Variants in ZNF8 observed in about 807,000 individuals in gnomAD.
ZNF8 encodes the protein zinc finger protein 8.
ZNF8 carries 9 observed loss-of-function variants against 12.2 expected under a neutral mutation model. The observed-to-expected ratio is 0.73, with a 90% CI of 0.44 to 1.28. ZNF8 has a LOEUF of 1.28. ZNF8 is among the 50% of genes most tolerant of loss of function. The probability of loss-of-function intolerance (pLI) is 0.00; values close to 1 mark genes in which losing one functional copy is unlikely to be tolerated. For missense variants in ZNF8, 664 were observed against 729.1 expected (o/e 0.91, Z 1.03); for synonymous variants, 274 against 282.3 (o/e 0.97, Z 0.30).
At chr19:58,285,621 C>A in intron 1 of ZNF8, 96 bp from the exon 2 acceptor site, 1 of 1,572,208 alleles carries the variant, frequency 6.4e-7, no homozygotes, top group Non-Finnish European at 8.7e-7. Context: ...TCTCTCGTGA[C>A]ACAGGCCTGC....
chr19:58,286,568 A>G (rs2051384779), intron 3 of ZNF8: 2 of 207,316 alleles, frequency 9.6e-6, no homozygotes, highest in East Asian at 1.2e-4. Context: ...AGGCTGCCAC[A>G]TAGACACTCT....
chr19:58,288,199 T>C (rs2051396633), intron 3 of ZNF8, among the ~76,000 whole-genome samples: 1 of 152,144 alleles, frequency 6.6e-6, no homozygotes, highest in Non-Finnish European at 1.5e-5. Flanking sequence ...CACACCCTTC[T>C]TTATTCTCTT....
At position 58,295,237 on chromosome 19, in the gene ZNF8, A is replaced by C; in HGVS notation, c.1429A>C (p.Ile477Leu). Reference protein sequence around the residue: ...FKCNQCGKCFIQSSHLIRHQI... With the variant: ...FKCNQCGKCFLQSSHLIRHQI... ...ATGTAATCAGTGTGGGAAGTGTTTC[A>C]TTCAGAGCTCTCACCTCATCCGGCA... The change falls in exon 4 of 4, where the codon ATT (isoleucine) becomes CTT (leucine). Residue 477 changes from isoleucine to leucine, a missense_variant. Transcript: ENST00000621650. The C allele has an allele frequency of 6.2e-7, 1 of 1,614,226 alleles. No individual in the cohort carries two copies.
chr19:58,287,419 G>A (rs1385740515), intron 3 of ZNF8, among the ~76,000 whole-genome samples: 3 of 146,854 alleles, frequency 2.0e-5, no homozygotes, highest in Non-Finnish European at 4.4e-5. Context: ...TGCAGCCTCA[G>A]CCTTCCTGTC....
intron 3 of ZNF8, among the ~76,000 whole-genome samples, chr19:58,288,996 ATGT>A (rs2051401378): frequency 6.6e-6 from 1 of 152,146 alleles, no homozygotes; most frequent in Non-Finnish European, 1.5e-5. Flanking sequence ...ACTAAGCAAA[ATGT>A]TGTGCTTGCA....
At chr19:58,287,638 CTTT>C (rs35340103) in intron 3 of ZNF8, among the ~76,000 whole-genome samples, 2 of 64,834 alleles carry the variant, frequency 3.1e-5, no homozygotes, top group Non-Finnish European at 5.6e-5. Context: ...TGCACCTGGC[CTTT>C]TTTTTTTTTT....
intron 3 of ZNF8, among the ~76,000 whole-genome samples, chr19:58,287,016 CATTCTTGCATGTCCAG>C (rs1467875050): frequency 1.3e-5 from 2 of 152,168 alleles, no homozygotes; most frequent in Non-Finnish European, 2.9e-5. Context: ...TTCTCCATTT[CATTCTTGCATGTCCAG>C]ATTCTTTGTG....
At chr19:58,289,668 C>T (rs1468249106) in intron 3 of ZNF8, among the ~76,000 whole-genome samples, 1 of 152,100 alleles carries the variant, frequency 6.6e-6, no homozygotes, top group Non-Finnish European at 1.5e-5. Context: ...ACCCTTCCTC[C>T]ATCTTCAGAG....
At chr19:58,279,373 G>T (rs1411717059) in intron 1 of ZNF8, 1 of 1,457,324 alleles carries the variant, frequency 6.9e-7, no homozygotes, top group Admixed American at 2.4e-5. Flanking sequence ...GCTCCACGCG[G>T]CTCTGTCCTC....
intron 1 of ZNF8, among the ~76,000 whole-genome samples, chr19:58,283,103 A>G (rs781114485): frequency 6.6e-6 from 1 of 151,270 alleles, no homozygotes; most frequent in Non-Finnish European, 1.5e-5. Flanking sequence ...TCAGCCTCCC[A>G]AGTAGCTGGG....
chr19:58,284,257 T>C (rs922764531), intron 1 of ZNF8, among the ~76,000 whole-genome samples: 1 of 151,996 alleles, frequency 6.6e-6, no homozygotes, highest in African/African-American at 2.4e-5. Context: ...ATTCAGTCTG[T>C]GATATTCTGT....
chr19:58,287,009 T>G (rs2051387112), intron 3 of ZNF8, among the ~76,000 whole-genome samples: 1 of 152,186 alleles, frequency 6.6e-6, no homozygotes, highest in South Asian at 2.1e-4. Flanking sequence ...CTTCATCTTC[T>G]CCATTTCATT....
At position 58,300,067 on chromosome 19, in the gene ZNF8, C is replaced by T. The variant is rs1284163035; in HGVS notation, c.*4531C>T. On this transcript the variant is annotated 3_prime_UTR_variant, in exon 4 of 4. Transcript: ENST00000621650. ...CCTTAGATAACCTCCATTCGCATAGCTAAATGCTGCACCCTCCGACACTGC... is the reference window on the plus strand; with the variant it reads ...CCTTAGATAACCTCCATTCGCATAGTTAAATGCTGCACCCTCCGACACTGC... The T allele has an allele frequency of 1.3e-5, 2 of 152,220 alleles. No individual in the cohort carries two copies. Among genetic ancestry groups the T allele is most frequent in the Non-Finnish European group, 2.9e-5 (2 of 68,044 alleles). The allele number at this position is 152,220 out of a possible 1,614,324, so 9.4% of individuals were successfully genotyped here.
chr19:58,279,167 C>T lies in ZNF8; in HGVS notation c.66+20C>T, dbSNP rs1236494986. On this transcript the variant is annotated intron_variant, in intron 1 of 3. Coordinates refer to ENST00000621650, the MANE Select transcript of ZNF8 (RefSeq NM_021089.3). ...CTTCAGGTAACAATAACAACAATAACGACGGCGGCGGGCTCCGGGCAAGCG... is the reference window on the plus strand; with the variant it reads ...CTTCAGGTAACAATAACAACAATAATGACGGCGGCGGGCTCCGGGCAAGCG... The T allele has an allele frequency of 1.9e-5, 30 of 1,551,042 alleles. No homozygotes were observed. The highest frequency in any genetic ancestry group is 1.7e-4 in the Middle Eastern group (1 of 6,016).
intron 2 of ZNF8, 45 bp from the exon 3 acceptor site, chr19:58,286,065 T>C (rs2051381317): frequency 1.3e-6 from 2 of 1,587,022 alleles, no homozygotes; most frequent in Non-Finnish European, 1.7e-6. Context: ...TTGTTGTTTC[T>C]CTCCTGAGCA....
chr19:58,284,715 G>C (rs1262100999), intron 1 of ZNF8, among the ~76,000 whole-genome samples: 1 of 152,130 alleles, frequency 6.6e-6, no homozygotes, highest in East Asian at 1.9e-4. Context: ...CGGGCGTGGT[G>C]GTGCGCTCCT....
rs1301304673 is a variant in ZNF8, at chr19:58,294,373, A to T, written c.565A>T (p.Asn189Tyr). 12 of 1,614,094 alleles carry T rather than the reference A, an allele frequency of 7.4e-6. No homozygotes were observed. Among genetic ancestry groups the T allele is most frequent in the Non-Finnish European group, 1.0e-5 (12 of 1,180,008 alleles). ...RENCVLSSSP[N>Y]PFPEISRGEY... Reference sequence around the variant, plus strand: ...AAACTGCGTCCTGAGTTCAAGCCCAAATCCATTCCCAGAGATCTCTAGAGG... The same window carrying T: ...AAACTGCGTCCTGAGTTCAAGCCCATATCCATTCCCAGAGATCTCTAGAGG... Residue 189 changes from asparagine (N) to tyrosine (Y), a missense_variant, in exon 4 of 4, where the codon AAT becomes TAT. By Grantham distance (143) the Asn-to-Tyr change is moderately radical. Around this residue, in one of 3 missense-constraint regions of ZNF8, gnomAD observed 306 missense variants for 308.7 expected, o/e 0.99. Transcript: ENST00000621650. This position sits in a 1 kb window ranked among gnomAD's most constrained non-coding sequence, Gnocchi z 5.5.
chr19:58,284,804 GC>G (rs1373466249), intron 1 of ZNF8, among the ~76,000 whole-genome samples: 2 of 152,160 alleles, frequency 1.3e-5, no homozygotes, highest in East Asian at 1.9e-4. Flanking sequence ...AGTGGAGGTG[GC>G]ACCACTGCAC....
Position 58,285,649 on chromosome 19 carries a change from A to C in ZNF8, c.67-68A>C, listed in dbSNP as rs566429376. On this transcript the variant is annotated intron_variant, in intron 1 of 3. Transcript: ENST00000621650. ...AGGCCTGCCTGTTTTCTCCTTTTCC[A>C]TTCTTCCTCTGCCAGAAAGCACTGA... 1.1e-3 allele frequency: 1,832 copies of C among 1,612,372 alleles called. 43 individuals are homozygous for C. The South Asian group carries it at 0.019, about 17-fold the overall frequency.
Sources: gnomAD v4.1 joint callset for allele counts (sites outside exome capture counted in the v4.1 genomes callset) on GRCh38, gnomAD v4.1.1 for gene constraint, gnomAD v4.1.1 regional missense constraint, Gnocchi (gnomAD v3.1) non-coding constraint, MANE v1.5 for transcripts, NCBI Gene and HGNC (gene_info 2026-07-23, HGNC 2026-07-21) for gene names.